Variants in ERC1 observed in about 807,000 individuals in gnomAD.
The protein encoded by ERC1 is RAB6 interacting protein 2.
ERC1 carries 56 observed loss-of-function variants against 132.0 expected under a neutral mutation model. The observed-to-expected ratio is 0.42, with a 90% CI of 0.34 to 0.53. The LOEUF (loss-of-function observed/expected upper bound fraction) is 0.53. ERC1 is among the 20% of genes least tolerant of loss of function. The pLI is 0.03. For synonymous variants in ERC1, 478 were observed against 476.1 expected (o/e 1.00, Z -0.05); for missense variants, 1,202 against 1,349.9 (o/e 0.89, Z 1.72).
chr12:1,362,085 A>G (rs73038689), intron 15 of ERC1, among the ~76,000 whole-genome samples: 4,716 of 152,284 alleles, frequency 0.031, 81 homozygotes, highest in Middle Eastern at 0.071. Context: ...AAGACACACT[A>G]TTGTGTGCAT....
At chr12:1,480,976 CTG>C in intron 18 of ERC1, 7 of 700,010 alleles carry the variant, frequency 1.0e-5, no homozygotes, top group South Asian at 4.5e-5. Flanking sequence ...GATGCTGAAA[CTG>C]TGGATGGTAC....
chr12:1,394,126 C>T (rs2090286263), intron 16 of ERC1, among the ~76,000 whole-genome samples: 2 of 149,268 alleles, frequency 1.3e-5, no homozygotes, highest in African/African-American at 2.5e-5. Context: ...TTAGGCCGGG[C>T]ACAGTGGCTC....
chr12:1,241,839 T>C (rs536722118), intron 13 of ERC1, among the ~76,000 whole-genome samples: 66 of 139,456 alleles, frequency 4.7e-4, no homozygotes, highest in Non-Finnish European at 8.1e-4. Flanking sequence ...TTTGCATTTC[T>C]TCTTCTTCTT....
Position 1,155,255 on chromosome 12 carries a change from G to A in ERC1, c.1737+13468G>A, listed in dbSNP as rs1951257484. ...ACACGAGAATTGCTTGGACCTGGGA[G>A]GCAGAGGTTGCAGTGAGCCTGGATC... On this transcript the variant is annotated intron_variant, in intron 8 of 18. Coordinates refer to ENST00000360905, the MANE Select transcript of ERC1 (RefSeq NM_178040.4). 2.7e-5 allele frequency among the ~76,000 whole-genome samples: 4 copies of A among 148,488 alleles called. No homozygotes were observed. In the Admixed American group the frequency reaches 2.7e-4, roughly 10 times the overall value.
chr12:1,401,203 G>C (rs552743667), intron 16 of ERC1, among the ~76,000 whole-genome samples: 59 of 151,918 alleles, frequency 3.9e-4, no homozygotes, highest in African/African-American at 1.2e-3. Context: ...CAAAGTGCTG[G>C]GATTACAGGC....
chr12:1,039,353 TA>T (rs201168640), intron 2 of ERC1, among the ~76,000 whole-genome samples: 1 of 129,696 alleles, frequency 7.7e-6, no homozygotes, highest in African/African-American at 2.9e-5. Context: ...AAAAAAAAAA[TA>T]AAAATAAATA....
chr12:1,341,069 CTTTTTTTTTTTTT>C (rs35902573), intron 15 of ERC1, among the ~76,000 whole-genome samples: 885 of 63,134 alleles, frequency 0.014, 67 homozygotes, highest in East Asian at 0.063. Context: ...TTTTCTTTTT[CTTTTTTTTTTTTT>C]TTTTTTTTTT....
chr12:1,448,299 G>A (rs144302207), intron 18 of ERC1, among the ~76,000 whole-genome samples: 3 of 152,302 alleles, frequency 2.0e-5, no homozygotes, highest in Admixed American at 6.5e-5. Flanking sequence ...CAGTCCCTGC[G>A]AAACGAGAGA....
At chr12:1,467,542 G>T (rs766288977) in intron 18 of ERC1, among the ~76,000 whole-genome samples, 2 of 152,174 alleles carry the variant, frequency 1.3e-5, no homozygotes, top group Non-Finnish European at 2.9e-5. Flanking sequence ...ATCTAGAGCA[G>T]CGGTCCCCAA....
intron 1 of ERC1, among the ~76,000 whole-genome samples, chr12:1,021,256 T>A (rs1007601608): frequency 2.0e-5 from 3 of 152,012 alleles, no homozygotes; most frequent in Non-Finnish European, 2.9e-5. Flanking sequence ...TCTTATTTCA[T>A]ATACACCCTG....
intron 2 of ERC1, among the ~76,000 whole-genome samples, chr12:1,033,528 A>G (rs1968475925): frequency 1.3e-5 from 2 of 151,550 alleles, no homozygotes; most frequent in Admixed American, 1.3e-4. Context: ...CAATGGCACA[A>G]TCTCGGCTTA....
chr12:1,335,456 C>T (rs1158549085), intron 15 of ERC1, among the ~76,000 whole-genome samples: 1 of 152,136 alleles, frequency 6.6e-6, no homozygotes, highest in Non-Finnish European at 1.5e-5. Flanking sequence ...TGAATTTTAT[C>T]GAAAGCCCTT....
intron 18 of ERC1, among the ~76,000 whole-genome samples, chr12:1,483,023 A>G (rs1205696959): frequency 6.6e-6 from 1 of 151,596 alleles, no homozygotes; most frequent in Non-Finnish European, 1.5e-5. Context: ...CAGGCTGGGC[A>G]TGGTGGCTCA....
chr12:1,370,862 G>C (rs1179053416), intron 15 of ERC1, among the ~76,000 whole-genome samples: 1 of 152,006 alleles, frequency 6.6e-6, no homozygotes, highest in East Asian at 1.9e-4. Context: ...TGAGTAGCTG[G>C]GACCAGAAGC....
rs1187417084 is a variant in ERC1 at position 1,329,279 on chromosome 12, G to A, written c.2780+39267G>A. Among the ~76,000 whole-genome samples the A allele has an allele frequency of 2.2e-5, 3 of 138,810 alleles. 1 individual carries two copies. In the South Asian group the frequency reaches 7.2e-4, roughly 33 times the overall value. The allele number at this position is 138,810 out of a possible 152,430, so 91.1% of individuals were successfully genotyped here. On this transcript the variant is annotated intron_variant, in intron 15 of 18. Transcript: ENST00000360905. Reference sequence around the variant, plus strand: ...ACTGCACTTCAGCTTGGGCGACAGAGCAAGACTCTGAATCAAAAAAAAAAA... The same window carrying A: ...ACTGCACTTCAGCTTGGGCGACAGAACAAGACTCTGAATCAAAAAAAAAAA...
intron 2 of ERC1, among the ~76,000 whole-genome samples, chr12:1,052,604 A>G (rs1427148486): frequency 1.3e-5 from 2 of 152,198 alleles, no homozygotes; most frequent in African/African-American, 4.8e-5. Flanking sequence ...TGAGAAAAGC[A>G]AAGAAAAACA....
chr12:1,454,458 G>T (rs930167675), intron 18 of ERC1, among the ~76,000 whole-genome samples: 12 of 152,162 alleles, frequency 7.9e-5, no homozygotes, highest in Non-Finnish European at 2.9e-5. Flanking sequence ...CCTGTGATTG[G>T]CATCTGAAGC....
At chr12:1,058,541 C>G (rs1293154780) in intron 2 of ERC1, among the ~76,000 whole-genome samples, 2 of 151,896 alleles carry the variant, frequency 1.3e-5, no homozygotes, top group East Asian at 3.9e-4. Flanking sequence ...CTGTTCTGTC[C>G]TATTGGTCTA....
chr12:1,178,755 T>A (rs1954029305), intron 8 of ERC1, among the ~76,000 whole-genome samples: 2 of 152,116 alleles, frequency 1.3e-5, no homozygotes, highest in Non-Finnish European at 2.9e-5. Context: ...TTCATTTCTC[T>A]CCATAGAACT....
Sources: gnomAD v4.1 joint callset for allele counts (sites outside exome capture counted in the v4.1 genomes callset) on GRCh38, gnomAD v4.1.1 for gene constraint, MANE v1.5 for transcripts, NCBI Gene and HGNC (gene_info 2026-07-23, HGNC 2026-07-21) for gene names.